Variants in TENT5D observed in about 807,000 individuals in gnomAD.
The protein encoded by TENT5D is terminal nucleotidyltransferase 5D, also known as cancer/testis antigen 112.
For synonymous variants in TENT5D, 103 were observed against 100.6 expected (o/e 1.02, Z -0.15); for missense variants, 191 against 287.0 (o/e 0.67, Z 2.42).
chrX:80,357,062 TCATC>T (rs1930299343), intron 3 of TENT5D, among the ~76,000 whole-genome samples: 1 of 111,497 alleles, frequency 9.0e-6, no homozygotes, highest in Non-Finnish European at 1.9e-5. Context: ...GTTTCCAGCT[TCATC>T]CATGTCCCTA....
At chrX:80,443,614 G>T (rs1302690239) in exon 3 of TENT5D, 9 of 1,210,465 alleles carry the variant, frequency 7.4e-6, no homozygotes, top group Non-Finnish European at 1.0e-5. Flanking sequence ...TGCAGCTGAG[G>T]CAAGGTACCC....
intron 3 of TENT5D, among the ~76,000 whole-genome samples, chrX:80,379,474 G>C (rs989349411): frequency 9.0e-6 from 1 of 111,072 alleles, no homozygotes; most frequent in Non-Finnish European, 1.9e-5. Context: ...AAATGAGTTA[G>C]GGAGGATTCC....
At chrX:80,419,363 C>T (rs1012461109), upstream of TENT5D, among the ~76,000 whole-genome samples, 18 of 111,819 alleles carry the variant, frequency 1.6e-4, no homozygotes, top group Admixed American at 1.2e-3. Flanking sequence ...ATTTCTTTGT[C>T]ATATATTATA....
intron 3 of TENT5D, among the ~76,000 whole-genome samples, chrX:80,402,757 T>C (rs932550126): frequency 3.6e-5 from 4 of 112,166 alleles, no homozygotes; most frequent in Admixed American, 9.5e-5. Context: ...TTACTTGATA[T>C]GATATCAGTG....
intron 3 of TENT5D, among the ~76,000 whole-genome samples, chrX:80,371,761 A>G (rs1300497658): frequency 8.9e-6 from 1 of 111,890 alleles, no homozygotes; most frequent in Admixed American, 9.6e-5. Context: ...TTAGGCTTTC[A>G]TTCAAGGGAA....
At chrX:80,405,174 C>CT (rs1433453872) in intron 3 of TENT5D, among the ~76,000 whole-genome samples, 1 of 112,372 alleles carries the variant, frequency 8.9e-6, no homozygotes, top group Non-Finnish European at 1.9e-5. Context: ...AAAAGTTGAA[C>CT]TTTGAGTTTA....
intron 3 of TENT5D, among the ~76,000 whole-genome samples, chrX:80,348,566 C>T (rs763748946): frequency 6.6e-4 from 74 of 111,584 alleles, no homozygotes; most frequent in African/African-American, 2.2e-3. Context: ...TGGGCTGAGA[C>T]GGTGGGGTTT....
chrX:80,425,485 C>G (rs1481671582), intron 1 of TENT5D, among the ~76,000 whole-genome samples: 1 of 111,891 alleles, frequency 8.9e-6, no homozygotes, highest in African/African-American at 3.2e-5. Flanking sequence ...TATTAGATAC[C>G]TGCATTTGAA....
chrX:80,337,564 G>C (rs1929875743), intron 2 of TENT5D, among the ~76,000 whole-genome samples: 1 of 111,103 alleles, frequency 9.0e-6, no homozygotes, highest in Non-Finnish European at 1.9e-5. Context: ...CCAGGTTATT[G>C]TGCATAGGTA....
At chrX:80,362,430 T>C (rs1164081902) in intron 3 of TENT5D, among the ~76,000 whole-genome samples, 1 of 112,257 alleles carries the variant, frequency 8.9e-6, no homozygotes, top group Non-Finnish European at 1.9e-5. Context: ...CCCAAAGTGC[T>C]GGGATTACAG....
At chrX:80,436,708 A>G (rs913572205) in intron 1 of TENT5D, among the ~76,000 whole-genome samples, 1 of 111,402 alleles carries the variant, frequency 9.0e-6, no homozygotes, top group Non-Finnish European at 1.9e-5. Flanking sequence ...TGTCCCTGCA[A>G]AGGACATGAA....
At chrX:80,383,865 A>T (rs1930930646) in intron 3 of TENT5D, among the ~76,000 whole-genome samples, 1 of 111,403 alleles carries the variant, frequency 9.0e-6, no homozygotes, top group East Asian at 2.8e-4. Flanking sequence ...CAAAAAAAAA[A>T]AGTAGTTGAA....
rs914569558 is a variant in TENT5D at position 80,399,191 on chromosome X, C to T, written c.-141-39419C>T. ...AAATGTAGAAGATCATTGCCCAGAA[C>T]AGTGTCATGTAGTTTTCTCCCGTGT... On this transcript the variant is annotated intron_variant, in intron 3 of 4. Transcript: ENST00000538312. 7.2e-5 allele frequency among the ~76,000 whole-genome samples: 8 copies of T among 111,870 alleles called. No homozygotes were observed. The Admixed American group carries it at 7.6e-4, about 11-fold the overall frequency.
intron 3 of TENT5D, among the ~76,000 whole-genome samples, chrX:80,364,229 A>C (rs2147523052): frequency 9.0e-6 from 1 of 111,571 alleles, no homozygotes; most frequent in Admixed American, 9.6e-5. Flanking sequence ...CATGTCTATA[A>C]ATGAACTAAT....
chrX:80,385,410 CA>C (rs1397131175), intron 3 of TENT5D, among the ~76,000 whole-genome samples: 7 of 111,616 alleles, frequency 6.3e-5, no homozygotes, highest in Admixed American at 9.5e-5. Context: ...ACACCTTATA[CA>C]AAAATCAATT....
At chrX:80,366,392 A>T (rs1364057238) in intron 3 of TENT5D, among the ~76,000 whole-genome samples, 1 of 111,573 alleles carries the variant, frequency 9.0e-6, no homozygotes, top group African/African-American at 3.3e-5. Context: ...TACTCTATAA[A>T]CTACCTTTAG....
chrX:80,407,430 A>G (rs1931525989), intron 3 of TENT5D, among the ~76,000 whole-genome samples: 1 of 109,489 alleles, frequency 9.1e-6, no homozygotes, highest in African/African-American at 3.3e-5. Flanking sequence ...TGGAAAACAA[A>G]AAAAGGCAGG....
At chrX:80,343,484 G>A (rs1288862746) in intron 3 of TENT5D, among the ~76,000 whole-genome samples, 2 of 99,115 alleles carry the variant, frequency 2.0e-5, no homozygotes, top group East Asian at 3.5e-4. Context: ...CGCAACCTCC[G>A]CCTCCTGGGT....
intron 2 of TENT5D, 137 bp from the exon 3 acceptor site, chrX:80,442,385 A>T: frequency 2.4e-6 from 1 of 423,272 alleles, no homozygotes; most frequent in Non-Finnish European, 4.0e-6. Context: ...AAACATGATT[A>T]AATATATTGG....
Sources: allele counts gnomAD v4.1 joint callset (sites outside exome capture counted in the v4.1 genomes callset), GRCh38; gene constraint gnomAD v4.1.1; transcripts MANE v1.5; gene names NCBI Gene and HGNC (gene_info 2026-07-23, HGNC 2026-07-21).